The following DOK6 variants were observed in gnomAD, a reference collection of about 807,000 sequenced individuals.
The protein encoded by DOK6 is docking protein 6, also known as downstream of tyrosine kinase 6.
In DOK6, 22 loss-of-function variants were observed where a neutral mutation model predicts 44.0. That is an observed-to-expected ratio of 0.50 (90% CI 0.36 to 0.71). DOK6 has a LOEUF of 0.71. Ranked by LOEUF, DOK6 falls within the 30% of genes least tolerant of loss-of-function variation. The pLI is 0.00. For missense variants in DOK6, 340 were observed against 416.4 expected (o/e 0.82, Z 1.60); for synonymous variants, 166 against 145.5 (o/e 1.14, Z -1.01).
intron 5 of DOK6, among the ~76,000 whole-genome samples, chr18:69,738,712 G>A (rs937450542): frequency 1.3e-5 from 2 of 151,888 alleles, no homozygotes; most frequent in African/African-American, 4.8e-5. Flanking sequence ...TTTTTTTTCT[G>A]TTCCTTTACA....
chr18:69,663,975 T>C (rs7239760), intron 3 of DOK6, among the ~76,000 whole-genome samples: 121,354 of 152,126 alleles, frequency 0.8, 49,263 homozygotes, highest in South Asian at 0.92. Context: ...ATTTATCTCA[T>C]TTCATAAGCC....
intron 7 of DOK6, among the ~76,000 whole-genome samples, chr18:69,767,013 G>A (rs566671681): frequency 6.6e-6 from 1 of 152,180 alleles, no homozygotes; most frequent in Non-Finnish European, 1.5e-5. Flanking sequence ...GATCACTTGA[G>A]GCCTAGAGTT....
At chr18:69,542,976 A>G (rs1982308951) in intron 1 of DOK6, among the ~76,000 whole-genome samples, 1 of 151,530 alleles carries the variant, frequency 6.6e-6, no homozygotes. Context: ...TAATGAAAGG[A>G]TAGAAAGATT....
At chr18:69,825,179 G>A (rs1050265754) in intron 7 of DOK6, among the ~76,000 whole-genome samples, 11 of 151,954 alleles carry the variant, frequency 7.2e-5, no homozygotes, top group Non-Finnish European at 1.5e-4. Flanking sequence ...AAAAAGACTC[G>A]AACAAACATA....
intron 5 of DOK6, among the ~76,000 whole-genome samples, chr18:69,732,313 C>T (rs975708185): frequency 6.6e-6 from 1 of 152,066 alleles, no homozygotes; most frequent in Admixed American, 6.6e-5. Context: ...ATAAAATCAT[C>T]TGTCAATCTT....
At chr18:69,783,540 C>T (rs1341982106) in intron 7 of DOK6, among the ~76,000 whole-genome samples, 1 of 152,106 alleles carries the variant, frequency 6.6e-6, no homozygotes, top group African/African-American at 2.4e-5. Context: ...CTGGTATGAT[C>T]CAGGTGCTGA....
intron 3 of DOK6, among the ~76,000 whole-genome samples, chr18:69,652,644 CTT>C (rs1008946138): frequency 6.6e-6 from 1 of 152,136 alleles, no homozygotes; most frequent in African/African-American, 2.4e-5. Flanking sequence ...TGATGAGACT[CTT>C]TTCCTTGGTA....
chr18:69,442,558 GC>G (rs1979165995), intron 1 of DOK6, among the ~76,000 whole-genome samples: 1 of 152,128 alleles, frequency 6.6e-6, no homozygotes, highest in African/African-American at 2.4e-5. Flanking sequence ...CTCCCACGAG[GC>G]CCCTCCCGCA....
At chr18:69,482,423 G>A (rs567775889) in intron 1 of DOK6, among the ~76,000 whole-genome samples, 1 of 150,730 alleles carries the variant, frequency 6.6e-6, no homozygotes, top group African/African-American at 2.5e-5. Context: ...GTTATAAATA[G>A]AACGGGACTG....
intron 2 of DOK6, among the ~76,000 whole-genome samples, chr18:69,577,748 TAA>T (rs1464582437): frequency 1.3e-5 from 2 of 152,174 alleles, no homozygotes; most frequent in Non-Finnish European, 2.9e-5. Context: ...CACTAGGTGT[TAA>T]GACTTTCAGG....
chr18:69,598,262 T>G (rs1321465725), intron 2 of DOK6, among the ~76,000 whole-genome samples: 2 of 151,526 alleles, frequency 1.3e-5, no homozygotes, highest in Non-Finnish European at 2.9e-5. Context: ...ATTATATAAC[T>G]ATAATATGCA....
rs149335802 is a variant in DOK6 at position 69,691,184 on chromosome 18, AAAATAAAT to A, written c.410-7180_410-7173del. 4.6e-3 allele frequency among the ~76,000 whole-genome samples: 642 copies of A among 140,442 alleles called. 2 individuals carry two copies. Among genetic ancestry groups the A allele is most frequent in the South Asian group, 0.013 (55 of 4,300 alleles). The allele number at this position is 140,442 out of a possible 152,430, so 92.1% of individuals were successfully genotyped here. On this transcript the variant is annotated intron_variant, in intron 4 of 7. Transcript: ENST00000382713. ...GGCGACAAGAGCGAAACTCTGTCTC[AAAATAAAT>A]AAATAAATAAATAAATAAATAAATA...
intron 3 of DOK6, among the ~76,000 whole-genome samples, chr18:69,632,559 T>G (rs1229272553): frequency 6.6e-6 from 1 of 152,120 alleles, no homozygotes; most frequent in East Asian, 1.9e-4. Flanking sequence ...GGGTACAAAT[T>G]TTAAATATTT....
chr18:69,532,065 G>C lies in DOK6; in HGVS notation c.67-32422G>C, dbSNP rs144203847. Among the ~76,000 whole-genome samples, 35 of 152,276 alleles carry C rather than the reference G, an allele frequency of 2.3e-4. No homozygotes were observed. The East Asian group carries it at 6.6e-3, about 29-fold the overall frequency. On this transcript the variant is annotated intron_variant, in intron 1 of 7. Transcript: ENST00000382713. ...GGACACAGAGAGAAGACATCTTTCT[G>C]CAAGCCAGAAAGAAGGCCCTCACTA...
At chr18:69,489,012 C>T (rs984606398) in intron 1 of DOK6, among the ~76,000 whole-genome samples, 15 of 152,164 alleles carry the variant, frequency 9.9e-5, no homozygotes, top group African/African-American at 3.6e-4. Context: ...AGAGCTGTAG[C>T]TTAAGTTTTA....
intron 1 of DOK6, among the ~76,000 whole-genome samples, chr18:69,440,211 C>T (rs1979096958): frequency 6.6e-6 from 1 of 152,076 alleles, no homozygotes; most frequent in African/African-American, 2.4e-5. Context: ...CTTATATGGG[C>T]ATGGTTTATG....
chr18:69,695,181 G>A (rs1275533255), intron 4 of DOK6, among the ~76,000 whole-genome samples: 1 of 152,174 alleles, frequency 6.6e-6, no homozygotes, highest in Non-Finnish European at 1.5e-5. Context: ...CTCAAAGTGT[G>A]GTCCGCAGAG....
At chr18:69,528,368 T>G (rs1297228985) in intron 1 of DOK6, among the ~76,000 whole-genome samples, 1 of 152,178 alleles carries the variant, frequency 6.6e-6, no homozygotes, top group Non-Finnish European at 1.5e-5. Flanking sequence ...CTAACGTACT[T>G]AAAGTTAGTA....
intron 1 of DOK6, among the ~76,000 whole-genome samples, chr18:69,563,510 A>G (rs1399146789): frequency 6.6e-6 from 1 of 152,072 alleles, no homozygotes; most frequent in Non-Finnish European, 1.5e-5. Flanking sequence ...AGGGACATGG[A>G]TGAAGCTGGA....
Sources: gnomAD v4.1 joint callset for allele counts (sites outside exome capture counted in the v4.1 genomes callset) on GRCh38, gnomAD v4.1.1 for gene constraint, MANE v1.5 for transcripts, NCBI Gene and HGNC (gene_info 2026-07-23, HGNC 2026-07-21) for gene names.